ITGAM: variants seen among roughly 807,000 people sequenced by gnomAD.
ITGAM encodes the protein integrin alpha-M.
ITGAM carries 79 observed loss-of-function variants against 137.5 expected under a neutral mutation model. The ratio of observed to expected loss-of-function variants is 0.57; its 90% confidence interval spans 0.48 to 0.69. The LOEUF is 0.69. Ranked by LOEUF, ITGAM falls within the 30% of genes least tolerant of loss-of-function variation. The pLI, the probability that ITGAM is intolerant of heterozygous loss-of-function variation, is 0.00. For synonymous variants in ITGAM, 583 were observed against 592.3 expected (o/e 0.98, Z 0.23); for missense variants, 1,343 against 1,483.5 (o/e 0.91, Z 1.56).
intron 2 of ITGAM, among the ~76,000 whole-genome samples, chr16:31,265,015 G>A (rs1197895124): frequency 4.6e-5 from 7 of 151,970 alleles, no homozygotes; most frequent in Admixed American, 2.0e-4. Context: ...TTACAGGTAC[G>A]CACCACCACG....
chr16:31,313,812 C>T (rs1400494163), intron 14 of ITGAM, among the ~76,000 whole-genome samples: 2 of 152,162 alleles, frequency 1.3e-5, no homozygotes, highest in Non-Finnish European at 2.9e-5. Context: ...ACACTGTCTT[C>T]TACAATGGTT....
chr16:31,320,135 A>G (rs1337927282), intron 14 of ITGAM, among the ~76,000 whole-genome samples: 3 of 152,142 alleles, frequency 2.0e-5, no homozygotes, highest in Non-Finnish European at 4.4e-5. Flanking sequence ...TTTTGTGTAT[A>G]TAACTTCTAA....
intron 4 of ITGAM, 35 bp downstream of exon 4, chr16:31,265,916 G>C (rs201972741): frequency 6.2e-7 from 1 of 1,606,068 alleles, no homozygotes; most frequent in Non-Finnish European, 8.5e-7. Flanking sequence ...CATCCTAATG[G>C]GGGTGTTTGG....
intron 22 of ITGAM, 73 bp from the exon 23 acceptor site, chr16:31,328,074 G>A: frequency 8.7e-7 from 1 of 1,143,476 alleles, no homozygotes. Flanking sequence ...GAGGCAGGGA[G>A]TGAGGGAGAG....
intron 7 of ITGAM, 111 bp downstream of exon 7, chr16:31,272,103 CGGCAGAGGTGGGGA>C: frequency 6.2e-6 from 8 of 1,291,972 alleles, no homozygotes; most frequent in Middle Eastern, 2.6e-4. Context: ...GCTTCCCCAC[CGGCAGAGGTGGGGA>C]GGCTGTGCGT....
At position 31,297,592 on chromosome 16, in the gene ITGAM, G is replaced by C. The variant is rs1196762712; in HGVS notation, c.1435G>C (p.Ala479Pro). 6.2e-7 allele frequency: 1 copy of C among 1,612,718 alleles called. No homozygotes were observed. Among genetic ancestry groups the C allele is most frequent in the Non-Finnish European group, 8.5e-7 (1 of 1,179,896 alleles). ...CAGCACCGACCTGGTCCTCATCGGG[G>C]CCCCCCATTACTACGAGCAGACCCG... is the stretch of plus-strand genomic sequence containing the variant. Reference protein sequence around the residue: ...NGSTDLVLIGAPHYYEQTRGG... With the variant: ...NGSTDLVLIGPPHYYEQTRGG... The change falls in exon 13 of 30, where the codon GCC becomes CCC. Residue 479 changes from alanine (A) to proline (P), a missense_variant. Coordinates refer to ENST00000544665, the MANE Select transcript of ITGAM (RefSeq NM_000632.4).
At position 31,332,542 on chromosome 16, in the gene ITGAM, T is replaced by A. The variant is rs1295288282; in HGVS notation, c.*835T>A. 1 of 152,222 alleles carries A rather than the reference T, an allele frequency of 6.6e-6. No homozygotes were observed. The highest frequency in any genetic ancestry group is 1.5e-5 in the Non-Finnish European group (1 of 68,060). 9.4% of individuals were successfully genotyped at this position (152,222 alleles called of 1,614,324 possible). Reference sequence around the variant, plus strand: ...GTCACCTCCTTAAAGGTAGTCAAGATTGTGTTTTGAGGTTTCCTTCAGACA... The same window carrying A: ...GTCACCTCCTTAAAGGTAGTCAAGAATGTGTTTTGAGGTTTCCTTCAGACA... On this transcript the variant is annotated 3_prime_UTR_variant, in exon 30 of 30. Coordinates refer to ENST00000544665, the MANE Select transcript of ITGAM (RefSeq NM_000632.4).
In ITGAM at chr16:31,265,807, G is replaced by A. The variant is rs752232400; in HGVS notation, c.239-4G>A. The A allele has an allele frequency of 9.9e-6, 16 of 1,613,332 alleles. No homozygotes were observed. Among genetic ancestry groups the A allele is most frequent in the Admixed American group, 5.0e-5 (3 of 59,946 alleles). On this transcript the variant is annotated splice_region_variant and splice_polypyrimidine_tract_variant and intron_variant, in intron 3 of 29. Transcript: ENST00000544665. Reference sequence around the variant, plus strand: ...GGTGACCATGCCCATATCTGTCCCCGCAGTCCCCGTGGAGGCCGTGAACAT... The same window carrying A: ...GGTGACCATGCCCATATCTGTCCCCACAGTCCCCGTGGAGGCCGTGAACAT...
chr16:31,331,722 CAG>C lies in ITGAM; in HGVS notation c.*18_*19del, dbSNP rs778345317. 6.3e-7 allele frequency: 1 copy of C among 1,580,798 alleles called. No homozygotes were observed. Among genetic ancestry groups the C allele is most frequent in the Admixed American group, 1.8e-5 (1 of 54,964 alleles). The stretch of plus-strand genomic sequence containing the variant: ...AACCCCAGTAGCGGCTCCTTCCCGA[CAG>C]AGCTGCCTCTCGGTGGCCAGCAGGA... On this transcript the variant is annotated 3_prime_UTR_variant, in exon 30 of 30. Transcript: ENST00000544665.
intron 14 of ITGAM, among the ~76,000 whole-genome samples, chr16:31,318,567 C>T (rs1053789732): frequency 6.6e-6 from 1 of 151,976 alleles, no homozygotes; most frequent in Non-Finnish European, 1.5e-5. Context: ...TGGTTTTGAA[C>T]TCCTCATCTC....
At chr16:31,314,634 C>G (rs2080371113) in intron 14 of ITGAM, among the ~76,000 whole-genome samples, 2 of 151,902 alleles carry the variant, frequency 1.3e-5, no homozygotes. Flanking sequence ...TTACTGTAGC[C>G]TTGTAGTATA....
intron 23 of ITGAM, among the ~76,000 whole-genome samples, chr16:31,328,692 G>A (rs2080538085): frequency 6.7e-6 from 1 of 150,292 alleles, no homozygotes; most frequent in Admixed American, 6.6e-5. Context: ...GTGTGTATTT[G>A]TGCATGTGTG....
chr16:31,331,231 G>C lies in ITGAM; in HGVS notation c.3343G>C (p.Gly1115Arg), dbSNP rs2080578214. ...GCCGCTCATCGTGGGCAGCTCTGTC[G>C]GGGGACTGCTGCTCCTGGCCCTCAT... is the stretch of plus-strand genomic sequence containing the variant. ...PLPLIVGSSV[G>R]GLLLLALITA... Residue 1115 changes from glycine (G) to arginine (R), a missense_variant, in exon 29 of 30, where the codon GGG (glycine) becomes CGG (arginine). Transcript: ENST00000544665. 1 of 1,613,284 alleles carries C rather than the reference G, an allele frequency of 6.2e-7. No homozygotes were observed. Among genetic ancestry groups the C allele is most frequent in the African/African-American group, 1.3e-5 (1 of 74,870 alleles).
intron 14 of ITGAM, among the ~76,000 whole-genome samples, chr16:31,300,508 A>T (rs145314868): frequency 1.8e-3 from 274 of 152,136 alleles, no homozygotes; most frequent in African/African-American, 6.5e-3. Flanking sequence ...TGTGGCTTTG[A>T]TTTGCATTTC....
At chr16:31,273,315 A>T in intron 7 of ITGAM, 50 bp from the exon 8 acceptor site, 1 of 1,486,154 alleles carries the variant, frequency 6.7e-7, no homozygotes, top group Non-Finnish European at 9.1e-7. Context: ...AAAAAAAACT[A>T]GTGTGTCATC....
Position 31,330,067 on chromosome 16 carries a change from G to T in ITGAM, c.2977-14G>T. The T allele has an allele frequency of 6.2e-7, 1 of 1,611,966 alleles. No homozygotes were observed. Among genetic ancestry groups the T allele is most frequent in the Non-Finnish European group, 8.5e-7 (1 of 1,178,968 alleles). ...CTTCATCTCTGCCCCTTCTCAGTGC[G>T]TCTCTTTCCTCAGAACCTCTCGAGT... On this transcript the variant is annotated splice_polypyrimidine_tract_variant and intron_variant, in intron 25 of 29. Transcript: ENST00000544665.
intron 15 of ITGAM, 45 bp from the exon 16 acceptor site, chr16:31,321,419 G>A (rs772673666): frequency 1.2e-6 from 2 of 1,613,726 alleles, no homozygotes; most frequent in South Asian, 1.1e-5. Context: ...TTGAAGGAAT[G>A]TTTCCTGTTT....
intron 12 of ITGAM, among the ~76,000 whole-genome samples, chr16:31,293,678 C>T (rs899637174): frequency 2.6e-5 from 4 of 152,034 alleles, no homozygotes; most frequent in Non-Finnish European, 5.9e-5. Context: ...GTGATGCCTC[C>T]TTCTGTGTTC....
chr16:31,270,006 G>A (rs940959419), intron 5 of ITGAM, among the ~76,000 whole-genome samples: 14 of 152,160 alleles, frequency 9.2e-5, no homozygotes, highest in Non-Finnish European at 1.8e-4. Flanking sequence ...AAGTGGATTT[G>A]GGGATGGGGC....
Sources: allele counts gnomAD v4.1 joint callset (sites outside exome capture counted in the v4.1 genomes callset), GRCh38; gene constraint gnomAD v4.1.1; transcripts MANE v1.5; gene names NCBI Gene and HGNC (gene_info 2026-07-23, HGNC 2026-07-21).